The following COL22A1 variants were observed in gnomAD, a reference collection of about 807,000 sequenced individuals.
COL22A1 encodes collagen alpha-1(XXII) chain.
Under a neutral mutation model 248.9 loss-of-function variants are expected in COL22A1, and 221 were observed. That is an observed-to-expected ratio of 0.89 (90% CI 0.80 to 0.99). COL22A1 has a LOEUF of 0.99. Among genes scored for constraint, COL22A1 ranks in the 50% least tolerant of loss-of-function variants. The probability of loss-of-function intolerance (pLI) is 0.00; values close to 1 mark genes in which losing one functional copy is unlikely to be tolerated. For missense variants in COL22A1, 2,240 were observed against 2,179.0 expected, an observed-to-expected ratio of 1.03 and a Z score of -0.56; for synonymous variants, 891 against 793.4, an observed-to-expected ratio of 1.12 and a Z score of -2.07.
intron 10 of COL22A1, among the ~76,000 whole-genome samples, chr8:138,804,345 G>A (rs1017568941): frequency 2.0e-5 from 3 of 152,190 alleles, no homozygotes; most frequent in African/African-American, 7.2e-5. Flanking sequence ...CAGGAGCCGG[G>A]CAGGTCTCCA....
intron 1 of COL22A1, among the ~76,000 whole-genome samples, chr8:138,899,729 G>T (rs923160160): frequency 1.3e-4 from 20 of 152,026 alleles, no homozygotes; most frequent in African/African-American, 4.6e-4. Flanking sequence ...TCACCATGTT[G>T]GCCAGGCTGG....
chr8:138,691,602 T>A (rs796889018), intron 35 of COL22A1, among the ~76,000 whole-genome samples: 59 of 896 alleles, frequency 0.066, no homozygotes, highest in East Asian at 0.16. Flanking sequence ...AAGGTGTGTG[T>A]GCATGCATGT....
At position 138,715,667 on chromosome 8, in the gene COL22A1, G is replaced by A; in HGVS notation, c.2517+15C>T. 1 of 1,602,550 alleles carries A rather than the reference G, an allele frequency of 6.2e-7. No individual in the cohort carries two copies. Among genetic ancestry groups the A allele is most frequent in the Middle Eastern group, 1.7e-4 (1 of 6,024 alleles). ...ATAATAATTGATGGTCAGAATGAGA[G>A]CAAGTTTCTCCTACCTTTTCACCTC... On this transcript the variant is annotated intron_variant, in intron 30 of 64. Transcript: ENST00000303045.
intron 41 of COL22A1, 141 bp from the exon 42 acceptor site, chr8:138,663,881 C>T: frequency 1.5e-6 from 1 of 671,234 alleles, no homozygotes; most frequent in Admixed American, 2.3e-5. Context: ...GCCACACTGC[C>T]ATACCCTCTT....
At chr8:138,856,185 G>A (rs1056334255) in intron 3 of COL22A1, among the ~76,000 whole-genome samples, 7 of 152,208 alleles carry the variant, frequency 4.6e-5, no homozygotes, top group African/African-American at 7.2e-5. Flanking sequence ...CTCTCACCCC[G>A]AGGCTCCCCT....
At chr8:138,623,075 T>A (rs1054949803) in intron 52 of COL22A1, among the ~76,000 whole-genome samples, 5 of 151,296 alleles carry the variant, frequency 3.3e-5, no homozygotes, top group African/African-American at 1.2e-4. Flanking sequence ...TCTCTGTAAA[T>A]CCCTGCACAT....
At chr8:138,837,034 CG>C (rs1156960928) in intron 4 of COL22A1, among the ~76,000 whole-genome samples, 1 of 152,066 alleles carries the variant, frequency 6.6e-6, no homozygotes, top group Non-Finnish European at 1.5e-5. Flanking sequence ...AGCCTGTTTC[CG>C]TAACTGGAAA....
chr8:138,902,739 T>TATATAC lies in COL22A1; in HGVS notation c.-73+10879_-73+10880insGTATAT, dbSNP rs763466994. On this transcript the variant is annotated intron_variant, in intron 1 of 64. Coordinates refer to ENST00000303045, the MANE Select transcript of COL22A1 (RefSeq NM_152888.3). The stretch of plus-strand genomic sequence containing the variant: ...AAAAATTTATAAATATATATATATA[T>TATATAC]ACACACACACACACACACACACACA... Among the ~76,000 whole-genome samples the TATATAC allele has an allele frequency of 2.5e-3, 237 of 93,874 alleles. 1 individual carries two copies. The highest frequency in any genetic ancestry group is 8.8e-3 in the African/African-American group (195 of 22,086). 61.6% of individuals were successfully genotyped at this position (93,874 alleles called of 152,430 possible).
chr8:138,809,522 C>CTTTTTTTTTTTTTTTTT (rs1405048013), intron 9 of COL22A1, among the ~76,000 whole-genome samples: 1 of 77,962 alleles, frequency 1.3e-5, no homozygotes, highest in African/African-American at 5.2e-5. Flanking sequence ...CTCTTTTTTT[C>CTTTTTTTTTTTTTTTTT]TTTTTCTTTT....
intron 3 of COL22A1, among the ~76,000 whole-genome samples, chr8:138,844,855 C>A (rs1352013737): frequency 2.0e-5 from 3 of 148,954 alleles, no homozygotes; most frequent in Non-Finnish European, 3.0e-5. Context: ...GAGGCTGAGG[C>A]AGGAGAATGG....
intron 1 of COL22A1, among the ~76,000 whole-genome samples, chr8:138,910,242 C>T (rs938704501): frequency 3.3e-5 from 5 of 152,218 alleles, no homozygotes; most frequent in East Asian, 1.9e-4. Context: ...AAAGAGATGT[C>T]GGTCTGGCCA....
intron 4 of COL22A1, among the ~76,000 whole-genome samples, chr8:138,837,674 A>T (rs966668327): frequency 2.0e-5 from 3 of 152,090 alleles, no homozygotes; most frequent in Non-Finnish European, 2.9e-5. Flanking sequence ...CTGGGGCCTG[A>T]GGAGCCCCAG....
At chr8:138,713,880 C>G (rs1318399923) in intron 30 of COL22A1, among the ~76,000 whole-genome samples, 1 of 152,130 alleles carries the variant, frequency 6.6e-6, no homozygotes, top group African/African-American at 2.4e-5. Context: ...AGACACTATC[C>G]TGGGTGCTGG....
intron 6 of COL22A1, 78 bp from the exon 7 acceptor site, chr8:138,821,489 G>C: frequency 7.0e-7 from 1 of 1,435,754 alleles, no homozygotes; most frequent in Non-Finnish European, 9.6e-7. Context: ...CGGGAGTTCA[G>C]AGTCAGACCT....
chr8:138,667,999 TAAA>T (rs78973729), intron 41 of COL22A1, among the ~76,000 whole-genome samples: 1 of 143,666 alleles, frequency 7.0e-6, no homozygotes. Context: ...TCTATCAGAC[TAAA>T]AAAAAAAAAA....
At chr8:138,736,854 C>T (rs1486630357) in intron 23 of COL22A1, among the ~76,000 whole-genome samples, 1 of 152,108 alleles carries the variant, frequency 6.6e-6, no homozygotes, top group Non-Finnish European at 1.5e-5. Context: ...AACTGAGGCC[C>T]CATCTCAGTT....
At chr8:138,780,839 C>T in intron 13 of COL22A1, 88 bp downstream of exon 13, 1 of 1,119,714 alleles carries the variant, frequency 8.9e-7, no homozygotes, top group Non-Finnish European at 1.4e-6. Flanking sequence ...CCTGGCAATG[C>T]CACCCCACTT....
intron 21 of COL22A1, among the ~76,000 whole-genome samples, chr8:138,753,324 T>C (rs1429812064): frequency 1.3e-5 from 2 of 152,232 alleles, no homozygotes; most frequent in Admixed American, 1.3e-4. Context: ...CTTATAGTCT[T>C]GGGCCTCTCA....
At chr8:138,710,660 C>T (rs1828886810) in intron 30 of COL22A1, among the ~76,000 whole-genome samples, 1 of 151,322 alleles carries the variant, frequency 6.6e-6, no homozygotes, top group Non-Finnish European at 1.5e-5. Flanking sequence ...ATAAAAATGT[C>T]AATGAACCTG....
Sources: gnomAD v4.1 joint callset for allele counts (sites outside exome capture counted in the v4.1 genomes callset) on GRCh38, gnomAD v4.1.1 for gene constraint, MANE v1.5 for transcripts, NCBI Gene and HGNC (gene_info 2026-07-23, HGNC 2026-07-21) for gene names.